The following OR6N1 variants were observed in gnomAD, a reference collection of about 807,000 sequenced individuals.
OR6N1 encodes the protein olfactory receptor family 6 subfamily N member 1, also known as olfactory receptor 6N1.
For synonymous variants in OR6N1, 170 were observed against 150.7 expected (o/e 1.13, Z -0.94); for missense variants, 394 against 371.7 (o/e 1.06, Z -0.49).
chr1:158,825,166 G>A, the OR6N1 span, among the ~76,000 whole-genome samples: 539 of 152,196 alleles, frequency 3.5e-3, 2 homozygotes, highest in African/African-American at 0.012. Flanking sequence ...AGGGCCAGGC[G>A]CAGTGGCTCA....
At chr1:158,806,589 C>T in the OR6N1 span, among the ~76,000 whole-genome samples, 4 of 152,070 alleles carry the variant, frequency 2.6e-5, no homozygotes, top group Non-Finnish European at 4.4e-5. Context: ...CTTCAAAGAC[C>T]GTGGTGTAAG....
chr1:158,837,851 GTTC>G, the OR6N1 span, among the ~76,000 whole-genome samples: 3 of 138,824 alleles, frequency 2.2e-5, no homozygotes, highest in African/African-American at 5.2e-5. Flanking sequence ...ACATTTTTAT[GTTC>G]TTCTATTCCT....
At chr1:158,821,899 T>C in the OR6N1 span, among the ~76,000 whole-genome samples, 29 of 152,218 alleles carry the variant, frequency 1.9e-4, no homozygotes, top group African/African-American at 4.8e-4. Flanking sequence ...CCACCAGCAA[T>C]TGATAAGAGT....
chr1:158,805,215 T>G, the OR6N1 span, among the ~76,000 whole-genome samples: 1 of 152,328 alleles, frequency 6.6e-6, no homozygotes, highest in South Asian at 2.1e-4. Context: ...TATGACAGAA[T>G]GTCAGCCTTG....
the OR6N1 span, among the ~76,000 whole-genome samples, chr1:158,794,078 C>T: frequency 6.6e-6 from 1 of 152,178 alleles, no homozygotes; most frequent in Non-Finnish European, 1.5e-5. Flanking sequence ...TCATGCAAGC[C>T]TGAACCTGGA....
the OR6N1 span, among the ~76,000 whole-genome samples, chr1:158,806,039 A>C: frequency 6.6e-6 from 1 of 152,158 alleles, no homozygotes; most frequent in South Asian, 2.1e-4. Flanking sequence ...AATTAATGTG[A>C]TCTAAGCCAT....
the OR6N1 span, among the ~76,000 whole-genome samples, chr1:158,835,049 T>C: frequency 2.0e-5 from 3 of 152,338 alleles, no homozygotes; most frequent in African/African-American, 7.2e-5. Context: ...GCAGGAAGTC[T>C]GAAACCTCCA....
At chr1:158,839,483 A>G in the OR6N1 span, among the ~76,000 whole-genome samples, 4 of 152,180 alleles carry the variant, frequency 2.6e-5, no homozygotes, top group Non-Finnish European at 5.9e-5. Context: ...AAGCTGGAGC[A>G]CCCACCACTA....
the OR6N1 span, among the ~76,000 whole-genome samples, chr1:158,821,201 A>G: frequency 6.6e-6 from 1 of 152,144 alleles, no homozygotes; most frequent in Non-Finnish European, 1.5e-5. Context: ...ATTGAATGGA[A>G]ATTACAGTTT....
At chr1:158,834,784 T>C in the OR6N1 span, among the ~76,000 whole-genome samples, 1 of 152,236 alleles carries the variant, frequency 6.6e-6, no homozygotes, top group South Asian at 2.1e-4. Flanking sequence ...TTTGATATAC[T>C]TTGAGTTACA....
chr1:158,798,885 G>A, the OR6N1 span, among the ~76,000 whole-genome samples: 1 of 152,144 alleles, frequency 6.6e-6, no homozygotes, highest in Non-Finnish European at 1.5e-5. Flanking sequence ...TCCACTGCAT[G>A]GCAGAAAGCA....
the OR6N1 span, among the ~76,000 whole-genome samples, chr1:158,811,731 A>C: frequency 6.6e-6 from 1 of 152,236 alleles, no homozygotes; most frequent in Non-Finnish European, 1.5e-5. Context: ...ATTAAATTGG[A>C]TATCAGAACA....
the OR6N1 span, among the ~76,000 whole-genome samples, chr1:158,794,060 T>A: frequency 6.6e-6 from 1 of 152,222 alleles, no homozygotes; most frequent in Admixed American, 6.5e-5. Context: ...CGATAGTGAC[T>A]CTACCTCTCA....
the OR6N1 span, among the ~76,000 whole-genome samples, chr1:158,802,471 CAT>C: frequency 1.3e-5 from 2 of 151,928 alleles, no homozygotes; most frequent in African/African-American, 4.8e-5. Flanking sequence ...GCCTCCCCGT[CAT>C]AGCTTTTCAT....
chr1:158,766,154 C>A lies in OR6N1; in HGVS notation c.529G>T (p.Val177Phe), dbSNP rs772389600. 6.2e-7 allele frequency: 1 copy of A among 1,614,134 alleles called. No homozygotes were observed. The highest frequency in any genetic ancestry group is 2.2e-5 in the East Asian group (1 of 44,860). The change falls in exon 2 of 2, where the codon GTC becomes TTC. Residue 177 changes from valine to phenylalanine, a missense_variant. Physicochemically the swap from Val to Phe is conservative, Grantham distance 50 (BLOSUM62 -1). Coordinates refer to ENST00000641846, the MANE Select transcript of OR6N1 (RefSeq NM_001005185.2). ...AGCACAGGAGGGAAGTCACAAAAGA[C>A]GTGCTGAATGCGATTGGGGCCACAG... ...PFCGPNRIQH[V>F]FCDFPPVLSL... is the part of the protein sequence containing the mutation.
chr1:158,798,914 G>A, the OR6N1 span, among the ~76,000 whole-genome samples: 2 of 152,074 alleles, frequency 1.3e-5, no homozygotes, highest in Middle Eastern at 3.2e-3. Flanking sequence ...CACACAAACC[G>A]GGCAGGCTGG....
the OR6N1 span, among the ~76,000 whole-genome samples, chr1:158,793,896 C>CAGGAGG: frequency 6.6e-6 from 1 of 152,124 alleles, no homozygotes; most frequent in Non-Finnish European, 1.5e-5. Context: ...CAGGTCTTTT[C>CAGGAGG]AGGAGGAGGA....
At chr1:158,813,269 T>C in the OR6N1 span, among the ~76,000 whole-genome samples, 1 of 152,234 alleles carries the variant, frequency 6.6e-6, no homozygotes, top group East Asian at 1.9e-4. Context: ...GAATTTATCC[T>C]GCAGATGTGT....
the OR6N1 span, among the ~76,000 whole-genome samples, chr1:158,793,522 A>G: frequency 1.3e-5 from 2 of 151,944 alleles, no homozygotes; most frequent in Non-Finnish European, 2.9e-5. Context: ...GGCTATGTGT[A>G]TTTTCAATGG....
Sources: gnomAD v4.1 joint callset for allele counts (sites outside exome capture counted in the v4.1 genomes callset) on GRCh38, gnomAD v4.1.1 for gene constraint, MANE v1.5 for transcripts, NCBI Gene and HGNC (gene_info 2026-07-23, HGNC 2026-07-21) for gene names.